The following DEPDC5 variants were observed in gnomAD, a reference collection of about 807,000 sequenced individuals.
The protein encoded by DEPDC5 is GATOR1 complex protein DEPDC5.
A neutral mutation model predicts 217.3 loss-of-function variants in DEPDC5; 73 were observed. The observed-to-expected ratio is 0.34, with a 90% CI of 0.28 to 0.41. The LOEUF is 0.41. DEPDC5 is among the 10% of genes least tolerant of loss of function. DEPDC5 has a pLI of 1.00. For missense variants in DEPDC5, 1,675 were observed against 2,070.1 expected, an observed-to-expected ratio of 0.81 and a Z score of 3.70; for synonymous variants, 733 against 756.7, an observed-to-expected ratio of 0.97 and a Z score of 0.51.
At position 31,889,377 on chromosome 22, in the gene DEPDC5, G is replaced by A. The variant is rs937504852; in HGVS notation, c.4034-4205G>A. On this transcript the variant is annotated intron_variant, in intron 38 of 42. Transcript: ENST00000651528. The stretch of plus-strand genomic sequence containing the variant: ...GCCTGTAACCACTTGGTTGAACAGC[G>A]TACTTCCTGGCCCAGGCCAGCATGT... Among the ~76,000 whole-genome samples, 9 of 152,292 alleles carry A rather than the reference G, an allele frequency of 5.9e-5. No homozygotes were observed. In the East Asian group the frequency reaches 7.7e-4, roughly 13 times the overall value.
intron 18 of DEPDC5, 118 bp downstream of exon 18, chr22:31,806,309 G>A (rs984796417): frequency 1.8e-5 from 15 of 822,102 alleles, no homozygotes; most frequent in Middle Eastern, 3.2e-4. Context: ...TTACAGACAT[G>A]AGCCATTCTG....
intron 38 of DEPDC5, chr22:31,890,915 C>A (rs536705168): frequency 6.3e-6 from 1 of 158,058 alleles, no homozygotes; most frequent in African/African-American, 2.4e-5. Context: ...TTATTAGAGA[C>A]GGGGTTTCTC....
At chr22:31,792,911 C>T (rs1256273807) in intron 12 of DEPDC5, 94 bp downstream of exon 12, 2 of 1,078,684 alleles carry the variant, frequency 1.9e-6, no homozygotes, top group African/African-American at 3.4e-5. Flanking sequence ...ATGGCGAAAC[C>T]CTGTCTCTAC....
At chr22:31,875,626 T>C (rs1270000352) in intron 36 of DEPDC5, 1 of 60,962 alleles carries the variant, frequency 1.6e-5, no homozygotes, top group Admixed American at 1.5e-4. Context: ...CATATGTGGA[T>C]TTTTTTTTTT....
At position 31,760,425 on chromosome 22, in the gene DEPDC5, C is replaced by T. The variant is rs555038332; in HGVS notation, c.147-231C>T. Among the ~76,000 whole-genome samples the T allele has an allele frequency of 2.8e-4, 43 of 152,040 alleles. 1 individual carries two copies. The highest frequency in any genetic ancestry group is 5.1e-4 in the Non-Finnish European group (35 of 68,016). On this transcript the variant is annotated intron_variant, in intron 3 of 42. Coordinates refer to ENST00000651528, the MANE Select transcript of DEPDC5 (RefSeq NM_001242896.3). Reference sequence around the variant, plus strand: ...TTCACCGTGTTAGCCAGGATGGTCTCGATCTCCTGACCTCGTGGTCCACCT... The same window carrying T: ...TTCACCGTGTTAGCCAGGATGGTCTTGATCTCCTGACCTCGTGGTCCACCT...
intron 38 of DEPDC5, among the ~76,000 whole-genome samples, chr22:31,886,080 T>C (rs928093025): frequency 6.7e-6 from 1 of 150,346 alleles, no homozygotes; most frequent in African/African-American, 2.4e-5. Context: ...CCAGGCTCAC[T>C]ACTTACTCCT....
intron 12 of DEPDC5, among the ~76,000 whole-genome samples, chr22:31,797,060 C>CT (rs113613358): frequency 1.1e-3 from 140 of 129,100 alleles, no homozygotes; most frequent in South Asian, 2.0e-3. Context: ...CTCACTGAAT[C>CT]TTTTTTTTTT....
intron 6 of DEPDC5, 124 bp downstream of exon 6, chr22:31,766,792 T>G (rs1013450060): frequency 2.2e-5 from 17 of 779,326 alleles, no homozygotes; most frequent in Non-Finnish European, 3.6e-5. Context: ...ACAATTATTG[T>G]CAACGTCTTC....
intron 8 of DEPDC5, among the ~76,000 whole-genome samples, chr22:31,778,587 CA>C (rs2084117701): frequency 6.6e-6 from 1 of 152,188 alleles, no homozygotes. Context: ...AACTGTTTTA[CA>C]GTTGGATTTC....
chr22:31,875,446 C>T (rs1752058890), intron 36 of DEPDC5: 1 of 152,144 alleles, frequency 6.6e-6, no homozygotes, highest in South Asian at 2.1e-4. Context: ...TATTCTCTAT[C>T]ATACGTGTTT....
intron 25 of DEPDC5, chr22:31,834,269 A>G: frequency 2.5e-6 from 1 of 403,980 alleles, no homozygotes; most frequent in Non-Finnish European, 4.6e-6. Context: ...CTTCACCCTT[A>G]ACTGCCTAAT....
chr22:31,801,167 A>G (rs1376449719), intron 14 of DEPDC5, among the ~76,000 whole-genome samples: 1 of 151,788 alleles, frequency 6.6e-6, no homozygotes, highest in Non-Finnish European at 1.5e-5. Context: ...ATGGTGGTGC[A>G]TGCCTGTCAT....
intron 38 of DEPDC5, among the ~76,000 whole-genome samples, chr22:31,893,122 C>T (rs1273712104): frequency 2.0e-5 from 3 of 152,152 alleles, no homozygotes; most frequent in Non-Finnish European, 4.4e-5. Flanking sequence ...GATCTGCTTG[C>T]GTCGGCCTCC....
chr22:31,845,126 G>C lies in DEPDC5; in HGVS notation c.2910G>C (p.Gly970=). The C allele has an allele frequency of 4.3e-6, 7 of 1,614,184 alleles. No homozygotes were observed. Among genetic ancestry groups the C allele is most frequent in the Non-Finnish European group, 5.9e-6 (7 of 1,180,026 alleles). ...GGGAGGCCCACTGCGACATCTATGG[G>C]GACAGGCCCCGTGCAGACGAGGACG... is the stretch of plus-strand genomic sequence containing the variant. ...TEGEAHCDIY[G]DRPRADEDEW... The change falls in exon 30 of 43, where the codon GGG becomes GGC. Residue 970 remains glycine, a synonymous_variant. Coordinates refer to ENST00000651528, the MANE Select transcript of DEPDC5 (RefSeq NM_001242896.3).
At chr22:31,858,248 C>CA (rs2092378555) in intron 32 of DEPDC5, 1 of 152,232 alleles carries the variant, frequency 6.6e-6, no homozygotes, top group Non-Finnish European at 1.5e-5. Context: ...TCAGTTTTCT[C>CA]AGACTGCTGA....
intron 26 of DEPDC5, 42 bp downstream of exon 26, chr22:31,837,197 G>A (rs751287398): frequency 6.2e-7 from 1 of 1,606,138 alleles, no homozygotes; most frequent in East Asian, 2.2e-5. Flanking sequence ...GTTGGTGAGG[G>A]TTTCGGATAT....
intron 34 of DEPDC5, among the ~76,000 whole-genome samples, chr22:31,871,106 G>A (rs1169612769): frequency 6.6e-6 from 1 of 152,190 alleles, no homozygotes; most frequent in Non-Finnish European, 1.5e-5. Flanking sequence ...AACAAACAGT[G>A]GATGAATCAC....
At chr22:31,826,599 G>A (rs1024701038) in intron 24 of DEPDC5, 8 of 341,298 alleles carry the variant, frequency 2.3e-5, no homozygotes, top group African/African-American at 6.6e-5. Flanking sequence ...AGCCTGCCCC[G>A]GTGGTTCCCC....
At chr22:31,834,776 G>A (rs991043357) in intron 25 of DEPDC5, among the ~76,000 whole-genome samples, 6 of 151,994 alleles carry the variant, frequency 3.9e-5, no homozygotes, top group Admixed American at 1.3e-4. Context: ...TGATCCGCCC[G>A]CCTTGGCCTC....
Sources: gnomAD v4.1 joint callset for allele counts (sites outside exome capture counted in the v4.1 genomes callset) on GRCh38, gnomAD v4.1.1 for gene constraint, MANE v1.5 for transcripts, NCBI Gene and HGNC (gene_info 2026-07-23, HGNC 2026-07-21) for gene names.